TET1: variants seen among roughly 807,000 people sequenced by gnomAD.
TET1 encodes the protein tet methylcytosine dioxygenase 1.
In TET1, 13 loss-of-function variants were observed where a neutral mutation model predicts 148.7. That is an observed-to-expected ratio of 0.09 (90% CI 0.06 to 0.14). TET1 has a LOEUF of 0.14. TET1 is among the 10% of genes least tolerant of loss of function. The pLI is 1.00. For missense variants in TET1, 2,182 were observed against 2,553.8 expected (o/e 0.85, Z 3.14); for synonymous variants, 907 against 937.2 (o/e 0.97, Z 0.59).
intron 3 of TET1, among the ~76,000 whole-genome samples, chr10:68,603,541 C>T (rs775365249): frequency 5.3e-5 from 8 of 152,002 alleles, no homozygotes; most frequent in Non-Finnish European, 4.4e-5. Flanking sequence ...GAGGCCAAGG[C>T]GGGAGGATTG....
At chr10:68,602,751 T>A (rs2054073684) in intron 3 of TET1, among the ~76,000 whole-genome samples, 1 of 152,178 alleles carries the variant, frequency 6.6e-6, no homozygotes, top group Non-Finnish European at 1.5e-5. Flanking sequence ...AGAACCAAAT[T>A]GTTGCTCACG....
chr10:68,666,074 G>A lies in TET1; in HGVS notation c.4462-971G>A, dbSNP rs150764876. ...TCTAAATTTTTGATACATGGAGGCA[G>A]TTTTAAATGGTTGGATGGTTTTATG... On this transcript the variant is annotated intron_variant, in intron 6 of 11. Coordinates refer to ENST00000373644, the MANE Select transcript of TET1 (RefSeq NM_030625.3). Among the ~76,000 whole-genome samples, 876 of 151,852 alleles carry A rather than the reference G, an allele frequency of 5.8e-3. 11 individuals carry two copies. Among genetic ancestry groups the A allele is most frequent in the African/African-American group, 0.02 (835 of 41,446 alleles).
rs571021072 is a variant in TET1 at position 68,619,232 on chromosome 10, C to A, written c.1968+18198C>A. Among the ~76,000 whole-genome samples the A allele has an allele frequency of 2.6e-4, 40 of 152,016 alleles. No individual in the cohort carries two copies. In the South Asian group the frequency reaches 7.3e-3, roughly 28 times the overall value. On this transcript the variant is annotated intron_variant, in intron 3 of 11. Transcript: ENST00000373644. Reference sequence around the variant, plus strand: ...TATAGACACATGTGTCCACCCCTTCCGTTATTCTCTTTTTTTGAGCCAGAG... The same window carrying A: ...TATAGACACATGTGTCCACCCCTTCAGTTATTCTCTTTTTTTGAGCCAGAG...
At chr10:68,616,418 G>T (rs189371355) in intron 3 of TET1, among the ~76,000 whole-genome samples, 3 of 152,340 alleles carry the variant, frequency 2.0e-5, no homozygotes, top group Non-Finnish European at 2.9e-5. Flanking sequence ...GATCTCTGCA[G>T]CATCGTATCT....
chr10:68,680,632 G>A (rs968046069), intron 8 of TET1, among the ~76,000 whole-genome samples: 2 of 152,218 alleles, frequency 1.3e-5, no homozygotes, highest in Non-Finnish European at 2.9e-5. Flanking sequence ...ACAGGCGTTA[G>A]CCACCATGCT....
chr10:68,578,852 TA>T (rs1214012570), intron 2 of TET1, among the ~76,000 whole-genome samples: 1 of 151,578 alleles, frequency 6.6e-6, no homozygotes, highest in African/African-American at 2.4e-5. Flanking sequence ...CCCCAAAATT[TA>T]AAAAAAAGAA....
intron 3 of TET1, among the ~76,000 whole-genome samples, chr10:68,629,119 C>T (rs922316817): frequency 6.6e-6 from 1 of 152,132 alleles, no homozygotes; most frequent in South Asian, 2.1e-4. Flanking sequence ...AATCTCAGCA[C>T]TTGGGAAGCC....
intron 8 of TET1, chr10:68,674,704 C>G (rs961409789): frequency 4.2e-6 from 2 of 471,616 alleles, no homozygotes; most frequent in South Asian, 1.6e-5. Context: ...TCAAGACTAC[C>G]GGTGCTTACT....
chr10:68,694,132 T>G lies in TET1; in HGVS notation c.*2318T>G, dbSNP rs2055626500. On this transcript the variant is annotated 3_prime_UTR_variant, in exon 12 of 12. Transcript: ENST00000373644. The stretch of plus-strand genomic sequence containing the variant: ...ACAATCTAAACTTGAAACATCAATG[T>G]TAATTTTTGGAACTATTGGGATTTG... The G allele has an allele frequency of 4.3e-6, 1 of 232,546 alleles. No individual in the cohort carries two copies. Among genetic ancestry groups the G allele is most frequent in the African/African-American group, 2.2e-5 (1 of 45,334 alleles). 14.4% of individuals were successfully genotyped at this position (232,546 alleles called of 1,614,324 possible).
chr10:68,649,821 G>A (rs1206458255), intron 4 of TET1, among the ~76,000 whole-genome samples: 1 of 152,076 alleles, frequency 6.6e-6, no homozygotes, highest in Non-Finnish European at 1.5e-5. Context: ...AGACAGCCAG[G>A]CATTCAAAGT....
At chr10:68,642,255 T>C (rs907939713) in intron 3 of TET1, among the ~76,000 whole-genome samples, 1 of 152,048 alleles carries the variant, frequency 6.6e-6, no homozygotes, top group African/African-American at 2.4e-5. Context: ...AGAGAGACCC[T>C]GTCTCTACAA....
intron 3 of TET1, among the ~76,000 whole-genome samples, chr10:68,643,261 CAAAAAAAA>C (rs59820865): frequency 1.1e-5 from 1 of 91,858 alleles, no homozygotes; most frequent in South Asian, 4.3e-4. Context: ...GACCCTGTCT[CAAAAAAAA>C]AAAAAAAAAA....
At chr10:68,653,676 G>C (rs2054973401) in intron 6 of TET1, among the ~76,000 whole-genome samples, 1 of 152,044 alleles carries the variant, frequency 6.6e-6, no homozygotes, top group Non-Finnish European at 1.5e-5. Context: ...TCTTGTTTTT[G>C]TACATATTTC....
chr10:68,571,158 T>A (rs1461600606), intron 1 of TET1, among the ~76,000 whole-genome samples: 2 of 150,140 alleles, frequency 1.3e-5, no homozygotes, highest in African/African-American at 2.5e-5. Flanking sequence ...GTCTGGCTAA[T>A]TTTTGTATTT....
chr10:68,607,350 A>T (rs2054138747), intron 3 of TET1, among the ~76,000 whole-genome samples: 1 of 151,738 alleles, frequency 6.6e-6, no homozygotes, highest in South Asian at 2.1e-4. Flanking sequence ...ATATATTCTC[A>T]TGAGTCAGAT....
intron 1 of TET1, among the ~76,000 whole-genome samples, chr10:68,571,994 G>T (rs1255593205): frequency 6.6e-6 from 1 of 152,158 alleles, no homozygotes; most frequent in Non-Finnish European, 1.5e-5. Context: ...GTGTGAGCCT[G>T]CAGTCCTAGC....
intron 8 of TET1, among the ~76,000 whole-genome samples, chr10:68,673,663 C>G (rs1411058189): frequency 1.3e-5 from 2 of 151,926 alleles, no homozygotes; most frequent in Admixed American, 6.6e-5. Context: ...ATGTGTTATG[C>G]TTTGTTTGTG....
chr10:68,620,210 C>A (rs921859881), intron 3 of TET1, among the ~76,000 whole-genome samples: 1 of 152,108 alleles, frequency 6.6e-6, no homozygotes, highest in Non-Finnish European at 1.5e-5. Flanking sequence ...ATAAAGTGTA[C>A]AATTCAGTGG....
chr10:68,587,450 AT>A (rs769961691), intron 2 of TET1, among the ~76,000 whole-genome samples: 5 of 152,080 alleles, frequency 3.3e-5, no homozygotes, highest in Non-Finnish European at 5.9e-5. Context: ...TTGCAGGGAG[AT>A]TTGTCTACTG....
Sources: allele counts gnomAD v4.1 joint callset (sites outside exome capture counted in the v4.1 genomes callset), GRCh38; gene constraint gnomAD v4.1.1; transcripts MANE v1.5; gene names NCBI Gene and HGNC (gene_info 2026-07-23, HGNC 2026-07-21).